BCAP29: variants seen among roughly 807,000 people sequenced by gnomAD.
The protein encoded by BCAP29 is B cell receptor associated protein 29, also known as B-cell receptor-associated protein 29.
In BCAP29, 34 loss-of-function variants were observed where a neutral mutation model predicts 31.8. The ratio of observed to expected loss-of-function variants is 1.07; its 90% CI spans 0.81 to 1.42. The LOEUF is 1.42. Ranked by LOEUF, BCAP29 falls within the 40% of genes most tolerant of loss-of-function variation. BCAP29 has a pLI of 0.00. For missense variants in BCAP29, 314 were observed against 269.2 expected, an observed-to-expected ratio of 1.17 and a Z score of -1.16; for synonymous variants, 104 against 91.3, an observed-to-expected ratio of 1.14 and a Z score of -0.79.
At chr7:107,585,184 A>C (rs1236146160) in intron 3 of BCAP29, among the ~76,000 whole-genome samples, 1 of 152,136 alleles carries the variant, frequency 6.6e-6, no homozygotes, top group Non-Finnish European at 1.5e-5. Context: ...GTTAAATAGG[A>C]TTTAGAGAGG....
chr7:107,622,903 C>A (rs866046883), downstream of BCAP29: 1 of 152,146 alleles, frequency 6.6e-6, no homozygotes, highest in South Asian at 2.1e-4. Flanking sequence ...AGTATCCATT[C>A]TTTCATTCAC....
chr7:107,602,710 A>G (rs1364020973), intron 6 of BCAP29, among the ~76,000 whole-genome samples: 1 of 152,100 alleles, frequency 6.6e-6, no homozygotes, highest in Admixed American at 6.5e-5. Flanking sequence ...GTTAGCCCCA[A>G]ATTTAAAAAG....
intron 6 of BCAP29, among the ~76,000 whole-genome samples, chr7:107,602,927 A>G (rs961588390): frequency 2.0e-5 from 3 of 151,472 alleles, no homozygotes; most frequent in African/African-American, 7.3e-5. Context: ...CTTCCAGGAA[A>G]ACTACTTATT....
chr7:107,599,183 T>G (rs1435067887), intron 5 of BCAP29, among the ~76,000 whole-genome samples: 2 of 36,974 alleles, frequency 5.4e-5, no homozygotes, highest in African/African-American at 1.6e-4. Context: ...ATATTAAAAT[T>G]TATATGTATA....
intron 5 of BCAP29, among the ~76,000 whole-genome samples, chr7:107,599,011 T>TTATA (rs368244284): frequency 0.28 from 36,403 of 128,748 alleles, 6,306 homozygotes; most frequent in South Asian, 0.51. Context: ...ATCTACAAAT[T>TTATA]TATATATATA....
rs561585421 is a variant in BCAP29, at chr7:107,593,994, C to A, written c.233C>A (p.Thr78Asn). The A allele has an allele frequency of 6.2e-7, 1 of 1,613,754 alleles. No individual in the cohort carries two copies. Among genetic ancestry groups the A allele is most frequent in the Non-Finnish European group, 8.5e-7 (1 of 1,179,762 alleles). ...REVRKYSSVH[T>N]IEKSSTSRPD... Reference sequence around the variant, plus strand: ...GTAAGGAAATATTCCTCAGTTCATACCATTGAGAAGAGCTCCACCAGCAGA... The same window carrying A: ...GTAAGGAAATATTCCTCAGTTCATAACATTGAGAAGAGCTCCACCAGCAGA... Residue 78 changes from threonine (T) to asparagine (N), a missense_variant, in exon 4 of 8, where the codon ACC becomes AAC. By Grantham distance (65) the Thr-to-Asn change is moderately conservative. Transcript: ENST00000005259.
intron 6 of BCAP29, among the ~76,000 whole-genome samples, chr7:107,607,302 G>A (rs1178172817): frequency 6.6e-6 from 1 of 152,224 alleles, no homozygotes; most frequent in Non-Finnish European, 1.5e-5. Flanking sequence ...GGGCAACAGA[G>A]TAAGATCCTG....
intron 6 of BCAP29, among the ~76,000 whole-genome samples, chr7:107,604,871 A>G (rs920459044): frequency 1.3e-5 from 2 of 151,802 alleles, no homozygotes; most frequent in African/African-American, 4.8e-5. Flanking sequence ...TTGTGCCAGT[A>G]GGCAATATAT....
intron 6 of BCAP29, among the ~76,000 whole-genome samples, chr7:107,602,752 C>CT (rs930468971): frequency 1.6e-4 from 25 of 152,160 alleles, no homozygotes; most frequent in African/African-American, 6.0e-4. Context: ...TGAGAACACT[C>CT]TATCAGTAGT....
At chr7:107,596,696 T>C (rs1809876011) in intron 5 of BCAP29, among the ~76,000 whole-genome samples, 1 of 152,346 alleles carries the variant, frequency 6.6e-6, no homozygotes, top group Non-Finnish European at 1.5e-5. Flanking sequence ...CTGCTTTTTT[T>C]CCTCTTCAAT....
At chr7:107,583,589 A>T (rs927161379) in intron 2 of BCAP29, among the ~76,000 whole-genome samples, 1 of 152,094 alleles carries the variant, frequency 6.6e-6, no homozygotes, top group South Asian at 2.1e-4. Context: ...ACAATATAAT[A>T]TTTTACTACT....
At chr7:107,587,651 A>G (rs1458242311) in intron 3 of BCAP29, 1 of 152,108 alleles carries the variant, frequency 6.6e-6, no homozygotes, top group Non-Finnish European at 1.5e-5. Context: ...TCTAAAGATC[A>G]TTTAAGAGAC....
intron 6 of BCAP29, among the ~76,000 whole-genome samples, chr7:107,605,735 T>C (rs986169964): frequency 6.6e-6 from 1 of 152,222 alleles, no homozygotes; most frequent in Non-Finnish European, 1.5e-5. Context: ...GGTGTTCTTT[T>C]CTACTGTCTT....
rs1563141484 is a variant in BCAP29, at chr7:107,612,432, TATATA to T, written c.590-899_590-895del. Among the ~76,000 whole-genome samples the T allele has an allele frequency of 3.4e-3, 162 of 47,338 alleles. 3 individuals carry two copies. Among genetic ancestry groups the T allele is most frequent in the Middle Eastern group, 0.014 (1 of 74 alleles). 31.1% of individuals were successfully genotyped at this position (47,338 alleles called of 152,430 possible). On this transcript the variant is annotated intron_variant, in intron 6 of 7. Coordinates refer to ENST00000005259, the MANE Select transcript of BCAP29 (RefSeq NM_018844.4). ...ATATATATATATATATATATATATA[TATATA>T]TATTTATTTTACTTCTATCTAAGGC...
At chr7:107,612,707 A>G (rs1342462792) in intron 6 of BCAP29, among the ~76,000 whole-genome samples, 1 of 152,012 alleles carries the variant, frequency 6.6e-6, no homozygotes, top group East Asian at 1.9e-4. Flanking sequence ...TATCACTTAT[A>G]TTCATATGTA....
chr7:107,591,652 A>G (rs921105047), intron 3 of BCAP29, among the ~76,000 whole-genome samples: 1 of 149,306 alleles, frequency 6.7e-6, no homozygotes, highest in Non-Finnish European at 1.5e-5. Flanking sequence ...ACACACACAC[A>G]CACACCCTAT....
At chr7:107,587,919 A>G (rs1349319241) in intron 3 of BCAP29, 1 of 152,196 alleles carries the variant, frequency 6.6e-6, no homozygotes, top group Non-Finnish European at 1.5e-5. Flanking sequence ...CTAGAATTTA[A>G]ACTTCAAATT....
At chr7:107,602,550 T>A (rs3801946) in intron 6 of BCAP29, among the ~76,000 whole-genome samples, 115,873 of 151,858 alleles carry the variant, frequency 0.76, 44,791 homozygotes, top group African/African-American at 0.9. Context: ...AAAATTGAGT[T>A]AAAAAAAAGC....
At chr7:107,602,562 A>T (rs141434052) in intron 6 of BCAP29, among the ~76,000 whole-genome samples, 1 of 148,340 alleles carries the variant, frequency 6.7e-6, no homozygotes, top group African/African-American at 2.5e-5. Context: ...AAAAAAAGCA[A>T]TTTTTTTTTT....
Sources: gnomAD v4.1 joint callset for allele counts (sites outside exome capture counted in the v4.1 genomes callset) on GRCh38, gnomAD v4.1.1 for gene constraint, MANE v1.5 for transcripts, NCBI Gene and HGNC (gene_info 2026-07-23, HGNC 2026-07-21) for gene names.